ZNF536: variants seen among roughly 807,000 people sequenced by gnomAD.
ZNF536 encodes the protein zinc finger protein 536.
In ZNF536, 13 loss-of-function variants were observed where a neutral mutation model predicts 84.5. That is an observed-to-expected ratio of 0.15 (90% CI 0.10 to 0.24). ZNF536 has a LOEUF of 0.24. Ranked by LOEUF, ZNF536 falls within the 10% of genes least tolerant of loss-of-function variation. The probability of loss-of-function intolerance (pLI) is 1.00; values close to 1 mark genes in which losing one functional copy is unlikely to be tolerated. For missense variants in ZNF536, 1,536 were observed against 1,747.5 expected, an observed-to-expected ratio of 0.88 and a Z score of 2.16; for synonymous variants, 811 against 742.5, an observed-to-expected ratio of 1.09 and a Z score of -1.50.
intron 1 of ZNF536, among the ~76,000 whole-genome samples, chr19:30,703,065 G>A (rs1484608935): frequency 6.6e-6 from 1 of 152,140 alleles, no homozygotes. Flanking sequence ...GGGGTCATCC[G>A]GGAGGCCTTC....
At chr19:30,351,054 G>A (rs2047915711) in intron 2 of ZNF536, among the ~76,000 whole-genome samples, 1 of 152,254 alleles carries the variant, frequency 6.6e-6, no homozygotes, top group African/African-American at 2.4e-5. Flanking sequence ...ATAAAGACGG[G>A]GAATAAAATG....
chr19:30,226,476 C>T (rs1277998198), upstream of ZNF536, among the ~76,000 whole-genome samples: 2 of 151,906 alleles, frequency 1.3e-5, no homozygotes, highest in Admixed American at 6.5e-5. The surrounding 1 kb of genome is among the most constrained non-coding windows in gnomAD (Gnocchi z 4.6). Flanking sequence ...TGAGATCTGC[C>T]ATTTTGTGAT....
chr19:30,249,799 G>A (rs1012805962), intron 1 of ZNF536, among the ~76,000 whole-genome samples: 1 of 152,178 alleles, frequency 6.6e-6, no homozygotes, highest in Non-Finnish European at 1.5e-5. Context: ...GAATGGAGGT[G>A]GAAGGCTGAA....
chr19:30,264,966 T>TGTGTGTGTGAGAGAGA (rs59889852), intron 1 of ZNF536, among the ~76,000 whole-genome samples: 12,776 of 133,322 alleles, frequency 0.096, 790 homozygotes, highest in East Asian at 0.16. Context: ...TGTGTGTGTG[T>TGTGTGTGTGAGAGAGA]GAGAGAGAGA....
chr19:30,272,624 G>A (rs769264980), intron 1 of ZNF536, among the ~76,000 whole-genome samples: 14 of 152,128 alleles, frequency 9.2e-5, no homozygotes, highest in Non-Finnish European at 1.6e-4. Flanking sequence ...TGTCTCCCTT[G>A]TTTAGCCTTT....
intron 1 of ZNF536, among the ~76,000 whole-genome samples, chr19:30,253,860 A>C (rs1025098468): frequency 6.6e-6 from 1 of 152,208 alleles, no homozygotes; most frequent in East Asian, 1.9e-4. Context: ...CAAGCGTCGC[A>C]AATAAAAGCC....
intron 2 of ZNF536, among the ~76,000 whole-genome samples, chr19:30,489,855 A>G (rs897432225): frequency 2.6e-5 from 4 of 152,188 alleles, no homozygotes; most frequent in African/African-American, 9.7e-5. Flanking sequence ...ACTTTGCTGA[A>G]TAGAATGTGA....
At chr19:30,354,155 T>G (rs1848295397) in intron 3 of ZNF536, among the ~76,000 whole-genome samples, 1 of 152,202 alleles carries the variant, frequency 6.6e-6, no homozygotes, top group South Asian at 2.1e-4. Context: ...CAGATATCCT[T>G]TGGATGGGCT....
intron 1 of ZNF536, among the ~76,000 whole-genome samples, chr19:30,573,938 T>C (rs1377371721): frequency 6.6e-6 from 1 of 152,204 alleles, no homozygotes; most frequent in Non-Finnish European, 1.5e-5. Flanking sequence ...AGAGGAGCTA[T>C]TGCCAGGACG....
intron 1 of ZNF536, among the ~76,000 whole-genome samples, chr19:30,631,885 C>G (rs1256303295): frequency 6.6e-6 from 1 of 152,228 alleles, no homozygotes; most frequent in East Asian, 1.9e-4. Context: ...GAGTCCATTT[C>G]ATTTTCTGAG....
chr19:30,585,054 TG>T (rs1342516853), intron 1 of ZNF536, among the ~76,000 whole-genome samples: 2 of 151,452 alleles, frequency 1.3e-5, no homozygotes, highest in African/African-American at 4.9e-5. Flanking sequence ...TTGCCCTGGC[TG>T]GAATTCAGTG....
intron 1 of ZNF536, among the ~76,000 whole-genome samples, chr19:30,568,708 T>C (rs958260466): frequency 2.6e-5 from 4 of 152,206 alleles, no homozygotes; most frequent in African/African-American, 9.7e-5. Flanking sequence ...ACACTGGCAA[T>C]GCCCAGCCAT....
At chr19:30,712,480 A>G (rs1272135754) in exon 2 of ZNF536, 2 of 152,038 alleles carry the variant, frequency 1.3e-5, no homozygotes, top group Non-Finnish European at 2.9e-5. Flanking sequence ...CACAGATTAA[A>G]CCCCAGGGCC....
chr19:30,378,949 C>G (rs570416999), intron 1 of ZNF536, among the ~76,000 whole-genome samples: 23 of 152,232 alleles, frequency 1.5e-4, no homozygotes, highest in African/African-American at 5.3e-4. Flanking sequence ...AGGATGTTGA[C>G]AGGGGTCTGG....
At chr19:30,511,494 C>A (rs1198872946) in intron 2 of ZNF536, among the ~76,000 whole-genome samples, 1 of 151,898 alleles carries the variant, frequency 6.6e-6, no homozygotes, top group Non-Finnish European at 1.5e-5. Flanking sequence ...GTCTGGGGTG[C>A]TAGTAAAAGA....
intron 3 of ZNF536, among the ~76,000 whole-genome samples, chr19:30,361,217 C>T (rs1423381883): frequency 6.6e-6 from 1 of 152,254 alleles, no homozygotes; most frequent in East Asian, 1.9e-4. Context: ...CCCTTCTTGC[C>T]ATTCGGCACC....
intron 1 of ZNF536, among the ~76,000 whole-genome samples, chr19:30,278,106 A>G (rs1201726474): frequency 1.3e-5 from 2 of 152,198 alleles, no homozygotes; most frequent in Non-Finnish European, 2.9e-5. Context: ...GCAGGAGACA[A>G]CTGAGATTGA....
At position 30,271,294 on chromosome 19, in the gene ZNF536, C is replaced by CTTTTT. The variant is rs879683203; in HGVS notation, c.-189-12774_-189-12773insTTTTT. On this transcript the variant is annotated intron_variant, in intron 1 of 5. Transcript: ENST00000585628. ...CTGGAAGCTTTCCCTGTGTTTTTTT[C>CTTTTT]TTTTCTTTTTTTTTTTTTTTTTTTT... Among the ~76,000 whole-genome samples the CTTTTT allele has an allele frequency of 7.7e-4, 79 of 103,168 alleles. 5 individuals are homozygous for CTTTTT. The highest frequency in any genetic ancestry group is 2.0e-3 in the African/African-American group (56 of 28,300). The allele number at this position is 103,168 out of a possible 152,430, so 67.7% of individuals were successfully genotyped here. A position where few individuals can be genotyped will look rare whatever the true frequency, so the allele number is the denominator to read the frequency against.
At chr19:30,362,679 T>C (rs1313324845) in intron 3 of ZNF536, among the ~76,000 whole-genome samples, 1 of 152,194 alleles carries the variant, frequency 6.6e-6, no homozygotes, top group African/African-American at 2.4e-5. Context: ...GTTTGAGGTT[T>C]AGCCTCCAGC....
Sources: allele counts gnomAD v4.1 joint callset (sites outside exome capture counted in the v4.1 genomes callset), GRCh38; gene constraint gnomAD v4.1.1; non-coding constraint Gnocchi (gnomAD v3.1); transcripts MANE v1.5; gene names NCBI Gene and HGNC (gene_info 2026-07-23, HGNC 2026-07-21).